Variants in MDGA2 observed in about 807,000 individuals in gnomAD.
MDGA2 encodes MAM domain containing glycosylphosphatidylinositol anchor 2.
In MDGA2, 40 loss-of-function variants were observed where a neutral mutation model predicts 117.8. The ratio of observed to expected loss-of-function variants is 0.34; its 90% CI spans 0.26 to 0.44. The LOEUF is 0.44. MDGA2 is among the 20% of genes least tolerant of loss of function. The pLI, the probability that MDGA2 is intolerant of heterozygous loss-of-function variation, is 1.00. For synonymous variants in MDGA2, 452 were observed against 439.0 expected (o/e 1.03, Z -0.37); for missense variants, 1,123 against 1,250.6 (o/e 0.90, Z 1.54).
At chr14:47,012,712 A>G (rs1196696641) in intron 8 of MDGA2, among the ~76,000 whole-genome samples, 1 of 151,926 alleles carries the variant, frequency 6.6e-6, no homozygotes, top group Non-Finnish European at 1.5e-5. Flanking sequence ...GTCATATTTC[A>G]GTGGGAAGTT....
chr14:47,540,936 T>G (rs2138755407), intron 1 of MDGA2, among the ~76,000 whole-genome samples: 1 of 152,246 alleles, frequency 6.6e-6, no homozygotes, highest in East Asian at 1.9e-4. Context: ...GAAGGAATTT[T>G]TTTCTGGTTT....
chr14:47,354,747 C>G (rs760242949), intron 1 of MDGA2, among the ~76,000 whole-genome samples: 1 of 152,122 alleles, frequency 6.6e-6, no homozygotes, highest in Non-Finnish European at 1.5e-5. Context: ...TCAAACAAAC[C>G]CTGTCTTTGG....
chr14:47,331,459 A>G (rs556673936), intron 1 of MDGA2, among the ~76,000 whole-genome samples: 4 of 152,112 alleles, frequency 2.6e-5, no homozygotes, highest in East Asian at 1.9e-4. Context: ...ATTTTAATCT[A>G]TATGTAGTTA....
chr14:47,433,828 T>G (rs1248288870), intron 1 of MDGA2, among the ~76,000 whole-genome samples: 1 of 152,118 alleles, frequency 6.6e-6, no homozygotes, highest in Non-Finnish European at 1.5e-5. Flanking sequence ...AACTAATACA[T>G]GTGCTAATTC....
chr14:46,998,101 C>T (rs1367969636), intron 8 of MDGA2, among the ~76,000 whole-genome samples: 1 of 151,922 alleles, frequency 6.6e-6, no homozygotes, highest in Non-Finnish European at 1.5e-5. Flanking sequence ...TTTTGAAGAG[C>T]CCTGAAGAAG....
At chr14:47,218,437 C>T (rs1164958926) in intron 2 of MDGA2, among the ~76,000 whole-genome samples, 2 of 152,038 alleles carry the variant, frequency 1.3e-5, no homozygotes, top group African/African-American at 4.8e-5. Context: ...ATTGCCTAGT[C>T]AGTGTGGAGG....
intron 8 of MDGA2, among the ~76,000 whole-genome samples, chr14:46,982,734 A>AAAAAAATAATAAT (rs1449356596): frequency 1.2e-4 from 15 of 130,326 alleles, no homozygotes; most frequent in Non-Finnish European, 2.4e-4. Context: ...AAAAAAAAAA[A>AAAAAAATAATAAT]AATCATGTCA....
chr14:47,586,209 C>T (rs866672039), intron 1 of MDGA2, among the ~76,000 whole-genome samples: 14 of 151,956 alleles, frequency 9.2e-5, no homozygotes, highest in South Asian at 2.1e-4. Context: ...TAGCATTAAC[C>T]GTCAACACGA....
chr14:47,534,099 A>G (rs957620602), intron 1 of MDGA2, among the ~76,000 whole-genome samples: 1 of 152,086 alleles, frequency 6.6e-6, no homozygotes, highest in African/African-American at 2.4e-5. Flanking sequence ...AAAAGTATCC[A>G]ATGGGTGAGA....
intron 5 of MDGA2, among the ~76,000 whole-genome samples, chr14:47,118,868 G>A (rs1412275728): frequency 6.6e-6 from 1 of 151,866 alleles, no homozygotes; most frequent in Non-Finnish European, 1.5e-5. Context: ...CAAGTAGCTG[G>A]GATTACAGGC....
At position 47,658,514 on chromosome 14, in the gene MDGA2, G is replaced by A. The variant is rs536790545; in HGVS notation, c.280+16003C>T. Reference sequence around the variant, plus strand: ...AGACCAGACATAAGGGCTGGCTGACGTTTGTCCTGCTAACCATCCTCTTTT... The same window carrying A: ...AGACCAGACATAAGGGCTGGCTGACATTTGTCCTGCTAACCATCCTCTTTT... On this transcript the variant is annotated intron_variant, in intron 1 of 16. Transcript: ENST00000399232. Among the ~76,000 whole-genome samples, 61 of 152,246 alleles carry A rather than the reference G, an allele frequency of 4.0e-4. 1 individual carries two copies. Among genetic ancestry groups the A allele is most frequent in the African/African-American group, 1.4e-3 (57 of 41,554 alleles).
intron 7 of MDGA2, among the ~76,000 whole-genome samples, chr14:47,047,659 C>T (rs987616129): frequency 6.6e-6 from 1 of 151,998 alleles, no homozygotes; most frequent in African/African-American, 2.4e-5. Flanking sequence ...TTAGTTATTA[C>T]TATGTTTTCT....
intron 1 of MDGA2, among the ~76,000 whole-genome samples, chr14:47,370,147 A>C (rs1343848384): frequency 1.3e-5 from 2 of 152,050 alleles, no homozygotes; most frequent in African/African-American, 4.8e-5. Context: ...TCAATAATGC[A>C]TTCAACAGTT....
At chr14:47,303,072 G>A (rs1295026361) in intron 1 of MDGA2, among the ~76,000 whole-genome samples, 2 of 151,976 alleles carry the variant, frequency 1.3e-5, no homozygotes, top group Admixed American at 6.6e-5. Context: ...CATTAAATAC[G>A]CATAATAAAC....
intron 1 of MDGA2, among the ~76,000 whole-genome samples, chr14:47,571,764 G>A (rs909006214): frequency 2.0e-5 from 3 of 151,030 alleles, no homozygotes; most frequent in Non-Finnish European, 4.4e-5. Flanking sequence ...GGGGGCGGTC[G>A]GGGGATAGGG....
intron 3 of MDGA2, among the ~76,000 whole-genome samples, chr14:47,206,571 C>G (rs1410495812): frequency 6.6e-6 from 1 of 151,754 alleles, no homozygotes; most frequent in Non-Finnish European, 1.5e-5. Context: ...GGCTCTGTCT[C>G]AAATATAAAA....
intron 2 of MDGA2, among the ~76,000 whole-genome samples, chr14:47,290,780 G>T (rs774388113): frequency 1.1e-4 from 16 of 140,776 alleles, no homozygotes; most frequent in Admixed American, 3.2e-4. Flanking sequence ...ATTTAGAACA[G>T]TGACACAAAG....
chr14:47,526,987 G>A (rs1894985503), intron 1 of MDGA2, among the ~76,000 whole-genome samples: 1 of 152,116 alleles, frequency 6.6e-6, no homozygotes, highest in African/African-American at 2.4e-5. Flanking sequence ...TAATTGTAGA[G>A]AGTGCAGTGA....
Position 47,144,198 on chromosome 14 carries a change from C to G in MDGA2, c.672G>C (p.Val224=). 3.9e-6 allele frequency: 6 copies of G among 1,551,334 alleles called. No individual in the cohort carries two copies. The highest frequency in any genetic ancestry group is 5.2e-6 in the Non-Finnish European group (6 of 1,146,742). The change falls in exon 4 of 17, where the codon GTG becomes GTC. Residue 224 remains valine, a synonymous_variant. Coordinates refer to ENST00000399232, the MANE Select transcript of MDGA2 (RefSeq NM_001113498.3). ...TGGAATTGGCAACACACCGGAGGAACACTGTTCTCTCATAGTAAAATTGTT... is the reference window on the plus strand; with the variant it reads ...TGGAATTGGCAACACACCGGAGGAAGACTGTTCTCTCATAGTAAAATTGTT... ...AKEQFYYERT[V]FLRCVANSNP...
Sources: allele counts gnomAD v4.1 joint callset (sites outside exome capture counted in the v4.1 genomes callset), GRCh38; gene constraint gnomAD v4.1.1; transcripts MANE v1.5; gene names NCBI Gene and HGNC (gene_info 2026-07-23, HGNC 2026-07-21).